Variants in CPNE8 observed in about 807,000 individuals in gnomAD.
CPNE8 encodes the protein copine-8.
A neutral mutation model predicts 81.5 loss-of-function variants in CPNE8; 45 were observed. The ratio of observed to expected loss-of-function variants is 0.55; its 90% CI spans 0.44 to 0.71. CPNE8 has a LOEUF of 0.71. Ranked by LOEUF, CPNE8 falls within the 30% of genes least tolerant of loss-of-function variation. The pLI is 0.00. For synonymous variants in CPNE8, 252 were observed against 226.3 expected, an observed-to-expected ratio of 1.11 and a Z score of -1.02; for missense variants, 594 against 672.1, an observed-to-expected ratio of 0.88 and a Z score of 1.28.
At chr12:38,774,688 A>G (rs1452470970) in intron 7 of CPNE8, among the ~76,000 whole-genome samples, 2 of 152,080 alleles carry the variant, frequency 1.3e-5, no homozygotes, top group African/African-American at 4.8e-5. Context: ...AGTAAAACAC[A>G]GAGTAAGTAG....
rs1170321650 is a variant in CPNE8 at position 38,884,213 on chromosome 12, C to G, written c.99-9702G>C. Among the ~76,000 whole-genome samples, 3 of 152,230 alleles carry G rather than the reference C, an allele frequency of 2.0e-5. No individual in the cohort carries two copies. The East Asian group carries it at 5.8e-4, about 29-fold the overall frequency. On this transcript the variant is annotated intron_variant, in intron 1 of 19. Transcript: ENST00000331366. The stretch of plus-strand genomic sequence containing the variant: ...CACACCCTATTCCACTTCCCCGAGC[C>G]CCTGGTAACCACTAATCTTTCTGTC...
chr12:38,881,035 C>G, intron 1 of CPNE8, among the ~76,000 whole-genome samples: 1 of 151,516 alleles, frequency 6.6e-6, no homozygotes, highest in South Asian at 2.1e-4. Context: ...ACGGTGAAAC[C>G]CCGTCTCTAC....
chr12:38,701,992 C>T (rs1293655859), intron 14 of CPNE8, among the ~76,000 whole-genome samples: 1 of 152,080 alleles, frequency 6.6e-6, no homozygotes, highest in East Asian at 1.9e-4. Context: ...TCTGAATGTC[C>T]TCGCTTGTAT....
chr12:38,671,091 T>C (rs1939164592), intron 18 of CPNE8: 1 of 249,494 alleles, frequency 4.0e-6, no homozygotes, highest in Non-Finnish European at 7.6e-6. Flanking sequence ...TCTGGGTCTA[T>C]CATCTCTCCA....
Position 38,884,815 on chromosome 12 carries a change from G to A in CPNE8, c.99-10304C>T, listed in dbSNP as rs764566284. 5.3e-5 allele frequency among the ~76,000 whole-genome samples: 8 copies of A among 151,916 alleles called. No homozygotes were observed. The East Asian group carries it at 7.8e-4, about 15-fold the overall frequency. ...CTAACATCCATTGTAATTACAAAACGCTCTCGTGTTGATAAAGGGTAAAGA... is the reference window on the plus strand; with the variant it reads ...CTAACATCCATTGTAATTACAAAACACTCTCGTGTTGATAAAGGGTAAAGA... On this transcript the variant is annotated intron_variant, in intron 1 of 19. Coordinates refer to ENST00000331366, the MANE Select transcript of CPNE8 (RefSeq NM_153634.3).
chr12:38,713,644 G>A (rs1161259570), intron 13 of CPNE8, among the ~76,000 whole-genome samples: 11 of 152,054 alleles, frequency 7.2e-5, no homozygotes, highest in East Asian at 1.9e-4. Context: ...GTAGAAAATC[G>A]TGCTCCAAAT....
At chr12:38,722,057 C>G (rs1196691071) in intron 13 of CPNE8, among the ~76,000 whole-genome samples, 1 of 152,088 alleles carries the variant, frequency 6.6e-6, no homozygotes, top group Non-Finnish European at 1.5e-5. Flanking sequence ...TGGAACGAGC[C>G]CAGCAGGCCC....
At chr12:38,759,251 G>A (rs1269561036) in intron 10 of CPNE8, among the ~76,000 whole-genome samples, 5 of 152,062 alleles carry the variant, frequency 3.3e-5, no homozygotes, top group Non-Finnish European at 7.4e-5. Context: ...ATGGGAAATG[G>A]GTTAAAAATT....
chr12:38,797,960 T>A (rs181487903), intron 6 of CPNE8, among the ~76,000 whole-genome samples: 1 of 151,686 alleles, frequency 6.6e-6, no homozygotes, highest in Non-Finnish European at 1.5e-5. Flanking sequence ...TGATGGAAGA[T>A]GAAATGAATG....
At chr12:38,705,419 T>C (rs895553751) in intron 13 of CPNE8, among the ~76,000 whole-genome samples, 1 of 152,166 alleles carries the variant, frequency 6.6e-6, no homozygotes, top group Non-Finnish European at 1.5e-5. Flanking sequence ...ACAACAACCT[T>C]TCTTGCTTAT....
chr12:38,799,603 C>A (rs1323188062), intron 6 of CPNE8, among the ~76,000 whole-genome samples: 1 of 152,042 alleles, frequency 6.6e-6, no homozygotes, highest in Non-Finnish European at 1.5e-5. Context: ...AGGAAAGATC[C>A]AAAACTGACA....
chr12:38,848,598 T>C lies in CPNE8; in HGVS notation c.251A>G (p.Asp84Gly), dbSNP rs1226878423. ...NPDFVRKFIL[D>G]YFFEERENLR... ...ATTCTCTCTTTCTTCAAAAAAGTAG[T>C]CCAGAATAAACTTTCTTACAAAATC... Residue 84 changes from aspartate to glycine, a missense_variant, in exon 4 of 20, where the codon GAC becomes GGC. Physicochemically the swap from Asp to Gly is moderately conservative, Grantham distance 94. Transcript: ENST00000331366. 1.3e-6 allele frequency: 2 copies of C among 1,593,312 alleles called. No homozygotes were observed. The highest frequency in any genetic ancestry group is 1.4e-5 in the African/African-American group (1 of 73,336).
At chr12:38,746,710 A>T (rs1479499187) in intron 10 of CPNE8, among the ~76,000 whole-genome samples, 2 of 152,254 alleles carry the variant, frequency 1.3e-5, no homozygotes, top group Non-Finnish European at 2.9e-5. Context: ...GGAGATGCTA[A>T]CAGGAACTTG....
At chr12:38,796,205 T>C (rs1318769106) in intron 6 of CPNE8, among the ~76,000 whole-genome samples, 1 of 152,058 alleles carries the variant, frequency 6.6e-6, no homozygotes, top group Non-Finnish European at 1.5e-5. Context: ...AAGAAGCACT[T>C]GAACTTGGGA....
At chr12:38,672,104 A>G in intron 18 of CPNE8, among the ~76,000 whole-genome samples, 1 of 152,166 alleles carries the variant, frequency 6.6e-6, no homozygotes, top group East Asian at 1.9e-4. Flanking sequence ...CACCAATGGT[A>G]ACACTCAGTG....
chr12:38,687,579 G>A (rs1939561816), intron 15 of CPNE8, among the ~76,000 whole-genome samples: 1 of 151,686 alleles, frequency 6.6e-6, no homozygotes, highest in South Asian at 2.1e-4. Context: ...GCAGGGTTTT[G>A]CCATGTTGAC....
chr12:38,724,423 C>T lies in CPNE8; in HGVS notation c.852+423G>A, dbSNP rs200541673. On this transcript the variant is annotated intron_variant, in intron 12 of 19. Coordinates refer to ENST00000331366, the MANE Select transcript of CPNE8 (RefSeq NM_153634.3). ...TCTGTACTGATTTAGTACACCATTC[C>T]CACAGAGTTGTCAATTTTACTGAGC... is the stretch of plus-strand genomic sequence containing the variant. Among the ~76,000 whole-genome samples, 20 of 152,076 alleles carry T rather than the reference C, an allele frequency of 1.3e-4. No individual in the cohort carries two copies. In the East Asian group the frequency reaches 3.9e-3, roughly 29 times the overall value.
intron 1 of CPNE8, among the ~76,000 whole-genome samples, chr12:38,890,321 A>C (rs190259391): frequency 2.0e-5 from 3 of 152,336 alleles, no homozygotes; most frequent in African/African-American, 7.2e-5. Flanking sequence ...TTAGGAAATT[A>C]CTTAGGCCAT....
intron 3 of CPNE8, among the ~76,000 whole-genome samples, chr12:38,849,420 A>C (rs11169804): frequency 6.6e-6 from 1 of 152,030 alleles, no homozygotes; most frequent in East Asian, 1.9e-4. Context: ...TTCCCTTCCA[A>C]CTCCCATGGA....
Sources: allele counts gnomAD v4.1 joint callset (sites outside exome capture counted in the v4.1 genomes callset), GRCh38; gene constraint gnomAD v4.1.1; transcripts MANE v1.5; gene names NCBI Gene and HGNC (gene_info 2026-07-23, HGNC 2026-07-21).